PDE4D: variants seen among roughly 807,000 people sequenced by gnomAD.
PDE4D encodes 3',5'-cyclic-AMP phosphodiesterase 4D.
PDE4D carries 24 observed loss-of-function variants against 87.4 expected under a neutral mutation model. The observed-to-expected ratio is 0.27, with a 90% CI of 0.20 to 0.39. The LOEUF (loss-of-function observed/expected upper bound fraction) is 0.39, where lower values mean the gene tolerates loss of function less well. Among genes scored for constraint, PDE4D ranks in the 10% least tolerant of loss-of-function variants. The pLI, the probability that PDE4D is intolerant of heterozygous loss-of-function variation, is 1.00. For synonymous variants in PDE4D, 384 were observed against 383.2 expected, an observed-to-expected ratio of 1.00 and a Z score of -0.02; for missense variants, 714 against 1,041.0, an observed-to-expected ratio of 0.69 and a Z score of 4.32.
At chr5:60,045,634 G>T (rs1435624369) in intron 2 of PDE4D, among the ~76,000 whole-genome samples, 2 of 152,124 alleles carry the variant, frequency 1.3e-5, no homozygotes, top group East Asian at 3.9e-4. Context: ...TCTCCCCATT[G>T]CTTGTTTTTC....
At chr5:60,341,061 C>A (rs1047327312) in intron 1 of PDE4D, among the ~76,000 whole-genome samples, 2 of 152,104 alleles carry the variant, frequency 1.3e-5, no homozygotes, top group Non-Finnish European at 2.9e-5. Context: ...TCAGACTTCC[C>A]TTTCACTATG....
At chr5:59,508,488 C>T (rs1809677663) in intron 1 of PDE4D, among the ~76,000 whole-genome samples, 1 of 151,902 alleles carries the variant, frequency 6.6e-6, no homozygotes, top group Admixed American at 6.6e-5. Context: ...AATACACTTT[C>T]AACACAGATA....
At chr5:59,732,899 T>TTAAGTGACTTTCACATGGA (rs151196451) in intron 1 of PDE4D, among the ~76,000 whole-genome samples, 45,504 of 151,502 alleles carry the variant, frequency 0.3, 7,021 homozygotes, top group Middle Eastern at 0.5. Flanking sequence ...TTAATATTTA[T>TTAAGTGACTTTCACATGGA]TAAGTGACTT....
At chr5:60,003,292 T>C (rs1412463114) in intron 2 of PDE4D, among the ~76,000 whole-genome samples, 1 of 152,180 alleles carries the variant, frequency 6.6e-6, no homozygotes, top group African/African-American at 2.4e-5. Flanking sequence ...AAAATGTCCA[T>C]ATGGGATCTA....
chr5:60,185,640 G>C lies in PDE4D; in HGVS notation c.-42C>G, dbSNP rs1228167361. On this transcript the variant is annotated 5_prime_UTR_variant, in exon 2 of 17. Coordinates refer to the PDE4D transcript ENST00000502484. ...ATTAAAATGGGAACTAGTGTTTCCA[G>C]TGTCAATGATCTCACTGCACGTATC... is the stretch of plus-strand genomic sequence containing the variant. 4 of 1,316,466 alleles carry C rather than the reference G, an allele frequency of 3.0e-6. No individual in the cohort carries two copies. In the Admixed American group the frequency reaches 7.9e-5, roughly 26 times the overall value. The allele number at this position is 1,316,466 out of a possible 1,614,324, so 81.5% of individuals were successfully genotyped here. A position where few individuals can be genotyped will look rare whatever the true frequency, so the allele number is the denominator to read the frequency against.
Position 60,034,954 on chromosome 5 carries a change from T to C in PDE4D, c.43-46237A>G, listed in dbSNP as rs563296166. Reference sequence around the variant, plus strand: ...ATCCACATGGTAGCCTGGAAGATCATCCAGGCAAAATGTGCATGCAGCAGG... The same window carrying C: ...ATCCACATGGTAGCCTGGAAGATCACCCAGGCAAAATGTGCATGCAGCAGG... On this transcript the variant is annotated intron_variant, in intron 2 of 16. Transcript: ENST00000502484. Among the ~76,000 whole-genome samples, 3 of 152,244 alleles carry C rather than the reference T, an allele frequency of 2.0e-5. No individual in the cohort carries two copies. In the South Asian group the frequency reaches 6.2e-4, roughly 32 times the overall value.
intron 5 of PDE4D, among the ~76,000 whole-genome samples, chr5:59,148,274 T>C (rs973514993): frequency 1.3e-5 from 2 of 152,110 alleles, no homozygotes; most frequent in Non-Finnish European, 2.9e-5. Flanking sequence ...AGAGAAAAAT[T>C]ATATTGCAAA....
intron 1 of PDE4D, among the ~76,000 whole-genome samples, chr5:59,375,710 C>A (rs978484256): frequency 5.9e-5 from 9 of 152,126 alleles, no homozygotes; most frequent in Non-Finnish European, 8.8e-5. Context: ...CTTCCTGAGA[C>A]AAATACCTGG....
intron 5 of PDE4D, among the ~76,000 whole-genome samples, chr5:59,090,355 A>G (rs1027332734): frequency 6.6e-6 from 1 of 152,122 alleles, no homozygotes; most frequent in Non-Finnish European, 1.5e-5. Flanking sequence ...TACAACCTGA[A>G]TTCTGTTCGC....
At chr5:59,151,028 A>T (rs1581077670) in intron 5 of PDE4D, among the ~76,000 whole-genome samples, 1 of 152,156 alleles carries the variant, frequency 6.6e-6, no homozygotes, top group Admixed American at 6.5e-5. Context: ...CAAAAGAAGA[A>T]GTTTCAGGTG....
rs146154337 is a variant in PDE4D, at chr5:59,818,720, A to G, written c.455+74448T>C. The stretch of plus-strand genomic sequence containing the variant: ...TCCTGATGGATCTTTCTGCCCATTG[A>G]ACTAGAACACTCATGGAAACATGTT... On this transcript the variant is annotated intron_variant, in intron 1 of 14. Transcript: ENST00000340635. 2.6e-3 allele frequency among the ~76,000 whole-genome samples: 402 copies of G among 152,268 alleles called. 4 individuals carry two copies. Among genetic ancestry groups the G allele is most frequent in the African/African-American group, 9.3e-3 (385 of 41,556 alleles).
chr5:59,768,896 G>C (rs1287678184), intron 1 of PDE4D, among the ~76,000 whole-genome samples: 1 of 152,158 alleles, frequency 6.6e-6, no homozygotes, highest in African/African-American at 2.4e-5. Flanking sequence ...AAGTCCTGGG[G>C]GGAGGGCTTA....
At chr5:59,833,365 G>A (rs1581323783) in intron 1 of PDE4D, among the ~76,000 whole-genome samples, 1 of 151,920 alleles carries the variant, frequency 6.6e-6, no homozygotes, top group African/African-American at 2.4e-5. Flanking sequence ...ATTTGGAAAT[G>A]ACAATGGAGG....
chr5:59,381,848 A>ATT (rs34984294), intron 1 of PDE4D, among the ~76,000 whole-genome samples: 2 of 151,888 alleles, frequency 1.3e-5, no homozygotes, highest in Middle Eastern at 3.4e-3. Flanking sequence ...AGTTACAGCC[A>ATT]TTTTTTTTAT....
chr5:59,595,240 A>G (rs571111190), intron 1 of PDE4D, among the ~76,000 whole-genome samples: 21 of 152,300 alleles, frequency 1.4e-4, no homozygotes, highest in African/African-American at 4.6e-4. Flanking sequence ...TTGACAATCT[A>G]TTTATAAAAT....
chr5:59,979,799 T>C (rs1433020374), intron 3 of PDE4D, among the ~76,000 whole-genome samples: 1 of 152,112 alleles, frequency 6.6e-6, no homozygotes, highest in Non-Finnish European at 1.5e-5. Context: ...AAATTCTAAG[T>C]TCTAGAAAGA....
chr5:60,288,050 T>G (rs1413100085), intron 1 of PDE4D, among the ~76,000 whole-genome samples: 1 of 152,214 alleles, frequency 6.6e-6, no homozygotes, highest in African/African-American at 2.4e-5. Context: ...GATTGAAAGA[T>G]TCCAATGTAA....
At position 59,397,919 on chromosome 5, in the gene PDE4D, A is replaced by G. The variant is rs1285594197; in HGVS notation, c.456-181951T>C. 1.6e-5 allele frequency among the ~76,000 whole-genome samples: 2 copies of G among 121,740 alleles called. 1 individual carries two copies. Among genetic ancestry groups the G allele is most frequent in the East Asian group, 5.2e-4 (2 of 3,838 alleles). The allele number at this position is 121,740 out of a possible 152,430, so 79.9% of individuals were successfully genotyped here. On this transcript the variant is annotated intron_variant, in intron 1 of 14. Coordinates refer to ENST00000340635, the MANE Select transcript of PDE4D (RefSeq NM_001104631.2). ...GGGATATCACCAACGATCCCACAGA[A>G]ATACAAACTACCATCAGAGAATACT...
chr5:60,218,783 T>C (rs1744162879), intron 1 of PDE4D, among the ~76,000 whole-genome samples: 1 of 152,102 alleles, frequency 6.6e-6, no homozygotes, highest in South Asian at 2.1e-4. Context: ...TAAAATCATC[T>C]TTCTTGATCC....
Sources: gnomAD v4.1 joint callset for allele counts (sites outside exome capture counted in the v4.1 genomes callset) on GRCh38, gnomAD v4.1.1 for gene constraint, MANE v1.5 for transcripts, NCBI Gene and HGNC (gene_info 2026-07-23, HGNC 2026-07-21) for gene names.